RFC5: variants seen among roughly 807,000 people sequenced by gnomAD.
RFC5 encodes A1 36 kDa subunit.
A neutral mutation model predicts 44.3 loss-of-function variants in RFC5; 26 were observed. The ratio of observed to expected loss-of-function variants is 0.59; its 90% CI spans 0.43 to 0.81. The LOEUF is 0.81. RFC5 is among the 40% of genes least tolerant of loss of function. The probability of loss-of-function intolerance (pLI) is 0.00; values close to 1 mark genes in which losing one functional copy is unlikely to be tolerated. For missense variants in RFC5, 328 were observed against 418.6 expected, an observed-to-expected ratio of 0.78 and a Z score of 1.89; for synonymous variants, 155 against 155.2, an observed-to-expected ratio of 1.00 and a Z score of 0.01.
At chr12:118,025,302 C>T in intron 6 of RFC5, 1 of 368,982 alleles carries the variant, frequency 2.7e-6, no homozygotes, top group South Asian at 4.7e-5. Context: ...GCTGCTGAGT[C>T]CCTTCTGCAA....
At position 118,019,582 on chromosome 12, in the gene RFC5, G is replaced by T. The variant is rs1477317386; in HGVS notation, c.131-50G>T. 3 of 1,609,698 alleles carry T rather than the reference G, an allele frequency of 1.9e-6. No individual in the cohort carries two copies. The African/African-American group carries it at 4.0e-5, about 22-fold the overall frequency. On this transcript the variant is annotated intron_variant, in intron 2 of 10. Transcript: ENST00000454402. This position sits in a 1 kb window ranked among gnomAD's most constrained non-coding sequence, Gnocchi z 4.2. ...CCCAACTCAGGAGCCCAGGGTGAAT[G>T]AGGCAGCTCCCAAAGACTGATGGTG...
chr12:118,028,937 A>G (rs1476268134), intron 9 of RFC5, among the ~76,000 whole-genome samples: 1 of 152,244 alleles, frequency 6.6e-6, no homozygotes, highest in Non-Finnish European at 1.5e-5. Context: ...ACAGTGGCCA[A>G]CTGCAAGATG....
downstream of RFC5, chr12:118,034,667 T>C (rs1593460778): frequency 2.0e-6 from 1 of 494,416 alleles, no homozygotes; most frequent in Non-Finnish European, 3.6e-6. Flanking sequence ...TACTGAATTA[T>C]AGATGTTACC....
At chr12:118,036,761 T>C (rs2031520558), downstream of RFC5, among the ~76,000 whole-genome samples, 1 of 152,216 alleles carries the variant, frequency 6.6e-6, no homozygotes, top group Non-Finnish European at 1.5e-5. Flanking sequence ...AGATCAGCCT[T>C]AGGAAGACCC....
chr12:118,021,218 CT>C (rs927374657), intron 4 of RFC5, among the ~76,000 whole-genome samples: 110 of 143,100 alleles, frequency 7.7e-4, no homozygotes, highest in African/African-American at 2.5e-3. Context: ...TTTTTTTTTT[CT>C]TTTTTTTTTG....
intron 1 of RFC5, chr12:118,017,625 T>TA (rs1161069465): frequency 1.6e-4 from 166 of 1,044,076 alleles, no homozygotes; most frequent in South Asian, 2.3e-4. Context: ...TTATTGTGGT[T>TA]AAAAAAAACC....
intron 1 of RFC5, among the ~76,000 whole-genome samples, chr12:118,018,714 A>G (rs547322881): frequency 2.6e-5 from 4 of 152,050 alleles, no homozygotes; most frequent in Non-Finnish European, 5.9e-5. Flanking sequence ...GGTTCCAGCA[A>G]TTCTCCCACC....
In RFC5 at chr12:118,024,853, A is replaced by G. The variant is rs147616156; in HGVS notation, c.424A>G (p.Ile142Val). The G allele has an allele frequency of 5.6e-6, 9 of 1,604,684 alleles. No homozygotes were observed. In the Middle Eastern group the frequency reaches 8.3e-4, roughly 148 times the overall value. ...QDAQNALRRV[I>V]EKFTENTRFC... ...GTGGTTTTATTTTCTCTTACTAGTA[A>G]TTGAGAAATTCACAGAAAATACCAG... Residue 142 changes from isoleucine (I) to valine (V), a missense_variant and splice_region_variant, in exon 6 of 11, where the codon ATT becomes GTT. Ile to Val is a conservative substitution (Grantham distance 29). Coordinates refer to ENST00000454402, the MANE Select transcript of RFC5 (RefSeq NM_007370.7).
intron 1 of RFC5, chr12:118,017,675 A>AT (rs543384549): frequency 0.047 from 36,360 of 775,196 alleles, 2 homozygotes; most frequent in South Asian, 0.057. Context: ...GTATTTACGT[A>AT]TTTTTTTTTT....
intron 5 of RFC5, among the ~76,000 whole-genome samples, chr12:118,024,089 G>T (rs532597023): frequency 6.6e-6 from 1 of 152,008 alleles, no homozygotes. Context: ...AGTGGCTCAT[G>T]CCTGTAATCC....
chr12:118,022,963 C>T (rs1034026763), intron 5 of RFC5, among the ~76,000 whole-genome samples: 1 of 152,136 alleles, frequency 6.6e-6, no homozygotes, highest in Non-Finnish European at 1.5e-5. Context: ...TTAAGTCTGG[C>T]CAGTCACTGG....
At chr12:118,034,543 G>T, downstream of RFC5, 1 of 659,878 alleles carries the variant, frequency 1.5e-6, no homozygotes, top group Non-Finnish European at 2.4e-6. Context: ...GATAGGATTA[G>T]AAAAACTCAA....
intron 5 of RFC5, among the ~76,000 whole-genome samples, chr12:118,024,433 C>A (rs1455835406): frequency 6.6e-6 from 1 of 151,620 alleles, no homozygotes; most frequent in Admixed American, 6.6e-5. Flanking sequence ...TGTTTACATT[C>A]TTTCTTTTTT....
downstream of RFC5, among the ~76,000 whole-genome samples, chr12:118,037,497 T>C (rs2031539275): frequency 6.6e-6 from 1 of 152,028 alleles, no homozygotes; most frequent in Non-Finnish European, 1.5e-5. Context: ...TGAAACCTCA[T>C]TTCTACTAAA....
intron 3 of RFC5, 69 bp from the exon 4 acceptor site, chr12:118,020,837 C>T: frequency 1.0e-6 from 1 of 979,928 alleles, no homozygotes; most frequent in South Asian, 1.3e-5. Flanking sequence ...AGGAAATACA[C>T]TAACACCAAG....
chr12:118,036,590 A>G, downstream of RFC5: 1 of 1,448,270 alleles, frequency 6.9e-7, no homozygotes, highest in South Asian at 1.4e-5. Flanking sequence ...AGGTACCACC[A>G]CCAAATCTGC....
rs750369555 is a variant in RFC5, at chr12:118,025,848, C to CTTT, written c.663+36_663+38dup. 1.2e-3 allele frequency: 1,214 copies of CTTT among 1,007,528 alleles called. No individual in the cohort carries two copies. Among genetic ancestry groups the CTTT allele is most frequent in the South Asian group, 2.2e-3 (152 of 68,562 alleles). 62.4% of individuals were successfully genotyped at this position (1,007,528 alleles called of 1,614,324 possible). A position where few individuals can be genotyped will look rare whatever the true frequency, so the allele number is the denominator to read the frequency against. ...TTGCAGGTATGGTCTCAAGCAAATC[C>CTTT]TTTTTTTTTTTTTTTTTTGAGACAG... On this transcript the variant is annotated intron_variant, in intron 7 of 10. Transcript: ENST00000454402.
At chr12:118,021,097 CTT>C (rs1381816132) in intron 4 of RFC5, 112 bp downstream of exon 4, 2 of 596,202 alleles carry the variant, frequency 3.4e-6, no homozygotes, top group Non-Finnish European at 5.9e-6. Context: ...AAAAAAGTGA[CTT>C]TGTCCAAAGC....
intron 5 of RFC5, among the ~76,000 whole-genome samples, chr12:118,023,481 A>AG (rs2030690730): frequency 4.8e-5 from 1 of 20,722 alleles, no homozygotes; most frequent in Non-Finnish European, 9.1e-5. Context: ...GGAGGAGGGT[A>AG]GGGGGAGGTG....
Sources: allele counts gnomAD v4.1 joint callset (sites outside exome capture counted in the v4.1 genomes callset), GRCh38; gene constraint gnomAD v4.1.1; non-coding constraint Gnocchi (gnomAD v3.1); transcripts MANE v1.5; gene names NCBI Gene and HGNC (gene_info 2026-07-23, HGNC 2026-07-21).